The following KCNB2 variants were observed in gnomAD, a reference collection of about 807,000 sequenced individuals.
The protein encoded by KCNB2 is potassium voltage-gated channel subfamily B member 2.
In KCNB2, 15 loss-of-function variants were observed where a neutral mutation model predicts 61.5. The ratio of observed to expected loss-of-function variants is 0.24; its 90% CI spans 0.16 to 0.38. The LOEUF (loss-of-function observed/expected upper bound fraction) is 0.38, where lower values mean the gene tolerates loss of function less well. Ranked by LOEUF, KCNB2 falls within the 10% of genes least tolerant of loss-of-function variation. The pLI is 1.00. For synonymous variants in KCNB2, 457 were observed against 446.0 expected, an observed-to-expected ratio of 1.02 and a Z score of -0.31; for missense variants, 828 against 1,125.2, an observed-to-expected ratio of 0.74 and a Z score of 3.78.
At chr8:72,859,927 CAGCCTGGTCTCAAACTCCCG>C (rs138885611) in intron 2 of KCNB2, among the ~76,000 whole-genome samples, 41,804 of 151,620 alleles carry the variant, frequency 0.28, 5,932 homozygotes, top group South Asian at 0.4. Context: ...CCATGTTCGT[CAGCCTGGTCTCAAACTCCCG>C]ACCTCAGGTG....
intron 1 of KCNB2, among the ~76,000 whole-genome samples, chr8:72,543,216 A>G (rs1337606377): frequency 2.0e-5 from 3 of 152,184 alleles, no homozygotes; most frequent in Non-Finnish European, 2.9e-5. Flanking sequence ...TAAATTCCCT[A>G]TCTGTAATAG....
intron 2 of KCNB2, among the ~76,000 whole-genome samples, chr8:72,715,637 G>A (rs1807423769): frequency 6.6e-6 from 1 of 152,120 alleles, no homozygotes; most frequent in Non-Finnish European, 1.5e-5. Context: ...CAACATACCA[G>A]AATCTCTGGG....
At position 72,726,231 on chromosome 8, in the gene KCNB2, A is replaced by G. The variant is rs74741626; in HGVS notation, c.579+157918A>G. Reference sequence around the variant, plus strand: ...CTCTATCTCATCCTGCCATGTGAGAACATAGCAGGTTGGTGGCCAATCACA... The same window carrying G: ...CTCTATCTCATCCTGCCATGTGAGAGCATAGCAGGTTGGTGGCCAATCACA... On this transcript the variant is annotated intron_variant, in intron 2 of 2. Coordinates refer to ENST00000523207, the MANE Select transcript of KCNB2 (RefSeq NM_004770.3). Among the ~76,000 whole-genome samples the G allele has an allele frequency of 8.7e-3, 1,320 of 152,326 alleles. 17 individuals are homozygous for G. Among genetic ancestry groups the G allele is most frequent in the African/African-American group, 0.03 (1,262 of 41,564 alleles).
intron 2 of KCNB2, among the ~76,000 whole-genome samples, chr8:72,663,711 G>C (rs930298309): frequency 2.0e-5 from 3 of 152,210 alleles, no homozygotes; most frequent in African/African-American, 7.2e-5. Flanking sequence ...ATACGCTGCA[G>C]TAAGGTGCAG....
At chr8:72,812,891 A>G (rs1585907694) in intron 2 of KCNB2, among the ~76,000 whole-genome samples, 1 of 152,276 alleles carries the variant, frequency 6.6e-6, no homozygotes, top group East Asian at 1.9e-4. Context: ...AATGTTGTGC[A>G]GACATCATAA....
intron 1 of KCNB2, among the ~76,000 whole-genome samples, chr8:72,556,554 C>T (rs914739996): frequency 4.6e-5 from 7 of 152,032 alleles, no homozygotes; most frequent in Admixed American, 2.6e-4. Flanking sequence ...CCTTTTCTAT[C>T]TAATAATGAA....
At chr8:72,863,588 C>G (rs1805453498) in intron 2 of KCNB2, among the ~76,000 whole-genome samples, 1 of 152,232 alleles carries the variant, frequency 6.6e-6, no homozygotes, top group Admixed American at 6.5e-5. Flanking sequence ...CATTAGTGGT[C>G]AGTGATCTAA....
intron 2 of KCNB2, among the ~76,000 whole-genome samples, chr8:72,929,118 A>G (rs1040056061): frequency 2.0e-5 from 3 of 152,212 alleles, no homozygotes; most frequent in African/African-American, 7.2e-5. Context: ...CTCATTTTGC[A>G]GATGAGAGAA....
chr8:72,596,812 A>C (rs1034120689), intron 2 of KCNB2, among the ~76,000 whole-genome samples: 1 of 152,082 alleles, frequency 6.6e-6, no homozygotes. Context: ...AACTTTGGCT[A>C]CTTTTTGGGG....
chr8:72,883,151 G>A (rs936927045), intron 2 of KCNB2, among the ~76,000 whole-genome samples: 1 of 152,192 alleles, frequency 6.6e-6, no homozygotes, highest in African/African-American at 2.4e-5. Context: ...GGCTGGGGGA[G>A]GGTCCACTTC....
At chr8:72,927,481 G>T (rs747170547) in intron 2 of KCNB2, among the ~76,000 whole-genome samples, 1 of 152,078 alleles carries the variant, frequency 6.6e-6, no homozygotes, top group Non-Finnish European at 1.5e-5. Flanking sequence ...GTGTTGGTCA[G>T]GCTGGTCTTG....
At chr8:72,619,531 AT>A (rs374172215) in intron 2 of KCNB2, 2,019 of 143,986 alleles carry the variant, frequency 0.014, 8 homozygotes, top group African/African-American at 0.023. Context: ...GATTACCTCC[AT>A]TTTTTTTTTT....
At chr8:72,756,821 G>C (rs918395301) in intron 2 of KCNB2, among the ~76,000 whole-genome samples, 1 of 152,160 alleles carries the variant, frequency 6.6e-6, no homozygotes, top group African/African-American at 2.4e-5. Context: ...GCTTTCAGGA[G>C]TCATTGAATA....
chr8:72,800,650 T>C (rs1427012599), intron 2 of KCNB2, among the ~76,000 whole-genome samples: 2 of 152,308 alleles, frequency 1.3e-5, no homozygotes, highest in African/African-American at 4.8e-5. Flanking sequence ...TGGGAGTCAA[T>C]AAATAACTTT....
chr8:72,792,026 A>G (rs190356887), intron 2 of KCNB2, among the ~76,000 whole-genome samples: 26 of 152,350 alleles, frequency 1.7e-4, no homozygotes, highest in Admixed American at 1.6e-3. Context: ...GGGGCTTTAT[A>G]GACATGGTTC....
intron 2 of KCNB2, among the ~76,000 whole-genome samples, chr8:72,725,510 C>CATAT (rs774224955): frequency 0.011 from 644 of 58,844 alleles, 6 homozygotes; most frequent in South Asian, 0.03. Flanking sequence ...TCTTTGTCTT[C>CATAT]ATATATATAT....
intron 1 of KCNB2, among the ~76,000 whole-genome samples, chr8:72,543,538 A>G (rs1806219597): frequency 6.6e-6 from 1 of 152,238 alleles, no homozygotes; most frequent in Non-Finnish European, 1.5e-5. Flanking sequence ...TGAATCAATT[A>G]ACAGGAGCAG....
intron 2 of KCNB2, among the ~76,000 whole-genome samples, chr8:72,732,288 A>G (rs1182260377): frequency 6.6e-5 from 10 of 152,184 alleles, no homozygotes; most frequent in South Asian, 4.1e-4. Flanking sequence ...AGAACCTGTG[A>G]GCACTACAGT....
chr8:72,779,318 G>T lies in KCNB2; in HGVS notation c.580-156617G>T, dbSNP rs114667318. ...TGGTCTCTCTTCAATTTCACCTAGT[G>T]CTGACCATAGCAACAAAGGATAAAA... On this transcript the variant is annotated intron_variant, in intron 2 of 2. Transcript: ENST00000523207. Among the ~76,000 whole-genome samples, 1,314 of 152,166 alleles carry T rather than the reference G, an allele frequency of 8.6e-3. 16 individuals are homozygous for T. The highest frequency in any genetic ancestry group is 0.028 in the African/African-American group (1,169 of 41,564).
Sources: allele counts gnomAD v4.1 joint callset (sites outside exome capture counted in the v4.1 genomes callset), GRCh38; gene constraint gnomAD v4.1.1; transcripts MANE v1.5; gene names NCBI Gene and HGNC (gene_info 2026-07-23, HGNC 2026-07-21).